The following LRRC8C variants were observed in gnomAD, a reference collection of about 807,000 sequenced individuals.
LRRC8C encodes volume-regulated anion channel subunit LRRC8C.
Under a neutral mutation model 55.3 loss-of-function variants are expected in LRRC8C, and 20 were observed. The ratio of observed to expected loss-of-function variants is 0.36; its 90% CI spans 0.25 to 0.53. The LOEUF (loss-of-function observed/expected upper bound fraction) is 0.53, where lower values mean the gene tolerates loss of function less well. Among genes scored for constraint, LRRC8C ranks in the 20% least tolerant of loss-of-function variants. The pLI is 0.92. For missense variants in LRRC8C, 659 were observed against 951.4 expected (o/e 0.69, Z 4.04); for synonymous variants, 376 against 360.7 (o/e 1.04, Z -0.48).
chr1:89,677,855 A>C (rs918647816), intron 1 of LRRC8C, among the ~76,000 whole-genome samples: 1 of 152,246 alleles, frequency 6.6e-6, no homozygotes, highest in Non-Finnish European at 1.5e-5. Context: ...ATAAAACACA[A>C]TCTACAGTCA....
chr1:89,643,154 C>T (rs1656515573), intron 1 of LRRC8C, among the ~76,000 whole-genome samples: 1 of 152,138 alleles, frequency 6.6e-6, no homozygotes, highest in African/African-American at 2.4e-5. Context: ...TGCAATGGCA[C>T]AATCTTGGCT....
At chr1:89,640,213 T>C (rs1203829664) in intron 1 of LRRC8C, among the ~76,000 whole-genome samples, 1 of 152,174 alleles carries the variant, frequency 6.6e-6, no homozygotes, top group Non-Finnish European at 1.5e-5. Context: ...TACAGGCGCC[T>C]GCCGCCGCAC....
intron 1 of LRRC8C, among the ~76,000 whole-genome samples, chr1:89,646,014 A>G (rs1040109369): frequency 2.1e-5 from 3 of 140,472 alleles, no homozygotes; most frequent in South Asian, 2.2e-4. Context: ...GATATTCTAT[A>G]TTATGAAACT....
chr1:89,646,461 TGC>T (rs1656617181), intron 1 of LRRC8C, among the ~76,000 whole-genome samples: 1 of 152,158 alleles, frequency 6.6e-6, no homozygotes, highest in African/African-American at 2.4e-5. Flanking sequence ...ATCCCAAGAA[TGC>T]AAGGTTGGTT....
intron 1 of LRRC8C, among the ~76,000 whole-genome samples, chr1:89,682,835 T>A (rs1657757656): frequency 6.6e-6 from 1 of 152,230 alleles, no homozygotes; most frequent in Non-Finnish European, 1.5e-5. Flanking sequence ...CATTCCAAAG[T>A]ACAATGGTTG....
intron 1 of LRRC8C, among the ~76,000 whole-genome samples, chr1:89,674,673 A>C (rs1393416550): frequency 6.6e-6 from 1 of 152,198 alleles, no homozygotes; most frequent in Non-Finnish European, 1.5e-5. Flanking sequence ...TCCAACAGGA[A>C]AGACCAATCA....
At chr1:89,688,009 T>C (rs1237665402) in intron 2 of LRRC8C, among the ~76,000 whole-genome samples, 2 of 152,316 alleles carry the variant, frequency 1.3e-5, no homozygotes, top group Admixed American at 1.3e-4. Context: ...ATGACAACTC[T>C]TATATATAGG....
At position 89,712,765 on chromosome 1, in the gene LRRC8C, C is replaced by G; in HGVS notation, c.195C>G (p.His65Gln). The G allele has an allele frequency of 6.2e-7, 1 of 1,614,188 alleles. No individual in the cohort carries two copies. Among genetic ancestry groups the G allele is most frequent in the South Asian group, 1.1e-5 (1 of 91,082 alleles). The change falls in exon 3 of 3, where the codon CAC (histidine) becomes CAG (glutamine). Residue 65 changes from histidine to glutamine, a missense_variant. By Grantham distance (24) the His-to-Gln change is conservative (BLOSUM62 0). This residue lies in a region of LRRC8C where 82 missense variants were observed against 71.4 expected (regional missense o/e 1.15). Coordinates refer to ENST00000370454, the MANE Select transcript of LRRC8C (RefSeq NM_032270.5). ...AAAGAGTGCAGCCTGCTCAGAACCA[C>G]TCTTCCCTTTCGAATGTCTCTCAAG... is the stretch of plus-strand genomic sequence containing the variant. ...LPKRVQPAQN[H>Q]SSLSNVSQAV...
intron 1 of LRRC8C, among the ~76,000 whole-genome samples, chr1:89,678,762 T>C (rs532572682): frequency 1.3e-5 from 2 of 148,620 alleles, no homozygotes; most frequent in South Asian, 4.3e-4. Flanking sequence ...AGACTGCACG[T>C]GATTTTATGA....
chr1:89,669,176 A>G (rs1463551414), intron 1 of LRRC8C, among the ~76,000 whole-genome samples: 2 of 152,212 alleles, frequency 1.3e-5, no homozygotes, highest in Non-Finnish European at 2.9e-5. Flanking sequence ...GATAAGTGAA[A>G]TAAGCCAGTC....
chr1:89,715,877 G>A lies in LRRC8C; in HGVS notation c.*895G>A, dbSNP rs1362759380. 1.3e-5 allele frequency: 2 copies of A among 152,048 alleles called. No homozygotes were observed. The highest frequency in any genetic ancestry group is 4.8e-5 in the African/African-American group (2 of 41,386). The allele number at this position is 152,048 out of a possible 1,614,324, so 9.4% of individuals were successfully genotyped here. A position where few individuals can be genotyped will look rare whatever the true frequency, so the allele number is the denominator to read the frequency against. On this transcript the variant is annotated 3_prime_UTR_variant, in exon 3 of 3. Coordinates refer to ENST00000370454, the MANE Select transcript of LRRC8C (RefSeq NM_032270.5). ...ATCAGATGGAAAAAAATTTACTAAAGCACCCTGTTAAAGAGCTGGTGTGCT... is the reference window on the plus strand; with the variant it reads ...ATCAGATGGAAAAAAATTTACTAAAACACCCTGTTAAAGAGCTGGTGTGCT...
chr1:89,619,579 T>G, the LRRC8C span, among the ~76,000 whole-genome samples: 1 of 151,016 alleles, frequency 6.6e-6, no homozygotes, highest in African/African-American at 2.4e-5. Context: ...CTAAGCTAAC[T>G]TATAAGAAAA....
chr1:89,686,011 C>A (rs1440964546), intron 1 of LRRC8C, among the ~76,000 whole-genome samples: 1 of 134,636 alleles, frequency 7.4e-6, no homozygotes, highest in Non-Finnish European at 1.6e-5. Context: ...AAAGAATTAG[C>A]ACAAAAGAAT....
At position 89,686,450 on chromosome 1, in the gene LRRC8C, A is replaced by C. The variant is rs371789599; in HGVS notation, c.-4-20A>C. Reference sequence around the variant, plus strand: ...GTACTGGAAGATAAATTGATTTACAAGTAATCTCTCCTTTCTCAGAAACAT... The same window carrying C: ...GTACTGGAAGATAAATTGATTTACACGTAATCTCTCCTTTCTCAGAAACAT... On this transcript the variant is annotated intron_variant, in intron 1 of 2. Coordinates refer to ENST00000370454, the MANE Select transcript of LRRC8C (RefSeq NM_032270.5). The C allele has an allele frequency of 6.2e-7, 1 of 1,613,518 alleles. No individual in the cohort carries two copies. The highest frequency in any genetic ancestry group is 8.5e-7 in the Non-Finnish European group (1 of 1,179,798).
At chr1:89,712,359 C>T (rs900063755) in intron 2 of LRRC8C, among the ~76,000 whole-genome samples, 1 of 152,182 alleles carries the variant, frequency 6.6e-6, no homozygotes, top group Non-Finnish European at 1.5e-5. Context: ...GTGATCCACC[C>T]GGCTTGGCCT....
the LRRC8C span, among the ~76,000 whole-genome samples, chr1:89,620,190 A>G: frequency 2.0e-5 from 3 of 152,154 alleles, no homozygotes; most frequent in African/African-American, 7.2e-5. Flanking sequence ...TAAAGCCTCT[A>G]TCATGAGGGC....
chr1:89,704,139 A>T (rs559713341), intron 2 of LRRC8C, among the ~76,000 whole-genome samples: 1 of 152,116 alleles, frequency 6.6e-6, no homozygotes, highest in Non-Finnish European at 1.5e-5. Context: ...AACCACCACT[A>T]CAAACAGGAT....
rs377530405 is a variant in LRRC8C, at chr1:89,673,036, CCTT to C, written c.-4-13429_-4-13427del. The stretch of plus-strand genomic sequence containing the variant: ...AACATCATCTACTTCATTCCTAAGT[CCTT>C]CTTCAGAACTTCCAAAGATCTCTCT... On this transcript the variant is annotated intron_variant, in intron 1 of 2. Coordinates refer to ENST00000370454, the MANE Select transcript of LRRC8C (RefSeq NM_032270.5). Among the ~76,000 whole-genome samples the C allele has an allele frequency of 3.5e-3, 530 of 152,222 alleles. 4 individuals carry two copies. Among genetic ancestry groups the C allele is most frequent in the African/African-American group, 0.011 (463 of 41,522 alleles).
chr1:89,697,388 C>T (rs1350583932), intron 2 of LRRC8C, among the ~76,000 whole-genome samples: 2 of 152,002 alleles, frequency 1.3e-5, no homozygotes, highest in African/African-American at 4.8e-5. Context: ...TTGAACTCTC[C>T]CAATTTCTTT....
Sources: gnomAD v4.1 joint callset for allele counts (sites outside exome capture counted in the v4.1 genomes callset) on GRCh38, gnomAD v4.1.1 for gene constraint, gnomAD v4.1.1 regional missense constraint, MANE v1.5 for transcripts, NCBI Gene and HGNC (gene_info 2026-07-23, HGNC 2026-07-21) for gene names.